CCDC73: variants seen among roughly 807,000 people sequenced by gnomAD.
CCDC73 encodes coiled-coil domain containing 73, also known as coiled-coil domain-containing protein 73.
In CCDC73, 95 loss-of-function variants were observed where a neutral mutation model predicts 116.5. That is an observed-to-expected ratio of 0.82 (90% CI 0.69 to 0.97). The LOEUF (loss-of-function observed/expected upper bound fraction) is 0.97. CCDC73 is among the 50% of genes least tolerant of loss of function. CCDC73 has a pLI of 0.00. For missense variants in CCDC73, 1,066 were observed against 1,206.8 expected, an observed-to-expected ratio of 0.88 and a Z score of 1.73; for synonymous variants, 398 against 401.3, an observed-to-expected ratio of 0.99 and a Z score of 0.10.
chr11:32,728,036 G>A (rs751380903), intron 2 of CCDC73, among the ~76,000 whole-genome samples: 16 of 152,146 alleles, frequency 1.1e-4, no homozygotes, highest in Non-Finnish European at 8.8e-5. Context: ...TGGATCGCTT[G>A]AGGCTATGAG....
the CCDC73 span, among the ~76,000 whole-genome samples, chr11:32,816,665 ACTT>A: frequency 6.6e-6 from 1 of 152,158 alleles, no homozygotes; most frequent in African/African-American, 2.4e-5. Flanking sequence ...CGTTTAAGGG[ACTT>A]CTTCAAGTTG....
the CCDC73 span, among the ~76,000 whole-genome samples, chr11:32,801,470 G>A: frequency 2.3e-3 from 344 of 152,056 alleles, 4 homozygotes; most frequent in East Asian, 0.027. Context: ...GTGAAACCCC[G>A]TCTCTACTAA....
intron 2 of CCDC73, among the ~76,000 whole-genome samples, chr11:32,732,702 A>G (rs1347185323): frequency 2.0e-5 from 3 of 152,206 alleles, no homozygotes; most frequent in African/African-American, 7.2e-5. Context: ...AAAATCCTTT[A>G]CAGACAAGCA....
rs1310211237 is a variant in CCDC73, at chr11:32,639,862, T to G, written c.1050+2110A>C. Among the ~76,000 whole-genome samples, 3 of 152,380 alleles carry G rather than the reference T, an allele frequency of 2.0e-5. No homozygotes were observed. The East Asian group carries it at 5.8e-4, about 29-fold the overall frequency. On this transcript the variant is annotated intron_variant, in intron 13 of 17. Transcript: ENST00000335185. ...TATATCTAGTCAAAATAAAAAGATA[T>G]ACATAACATTGTTATTTTTAATATT...
At chr11:32,728,686 T>C (rs1401433385) in intron 2 of CCDC73, among the ~76,000 whole-genome samples, 1 of 151,056 alleles carries the variant, frequency 6.6e-6, no homozygotes, top group Non-Finnish European at 1.5e-5. Context: ...TACTGATATT[T>C]CCAATTCTGT....
intron 2 of CCDC73, among the ~76,000 whole-genome samples, chr11:32,741,855 G>A (rs1253206856): frequency 6.6e-6 from 1 of 151,754 alleles, no homozygotes; most frequent in Non-Finnish European, 1.5e-5. Flanking sequence ...TCCTCTCCCT[G>A]TGTCCATGTG....
intron 16 of CCDC73, among the ~76,000 whole-genome samples, chr11:32,612,661 T>C (rs1855432409): frequency 6.6e-6 from 1 of 151,914 alleles, no homozygotes; most frequent in African/African-American, 2.4e-5. Flanking sequence ...TCCTTCAGCC[T>C]GGGAGGTTAA....
At chr11:32,636,092 A>G (rs563436450) in intron 13 of CCDC73, among the ~76,000 whole-genome samples, 1 of 152,260 alleles carries the variant, frequency 6.6e-6, no homozygotes, top group Non-Finnish European at 1.5e-5. Context: ...AAGTTAAGTA[A>G]CTTGTCCCAG....
At chr11:32,765,508 T>A (rs1355122318) in intron 1 of CCDC73, among the ~76,000 whole-genome samples, 1 of 152,238 alleles carries the variant, frequency 6.6e-6, no homozygotes, top group Non-Finnish European at 1.5e-5. Flanking sequence ...TGCTCCTGAA[T>A]GACTACTGGG....
At chr11:32,772,377 GA>G (rs1339795122) in intron 1 of CCDC73, among the ~76,000 whole-genome samples, 3 of 151,832 alleles carry the variant, frequency 2.0e-5, no homozygotes, top group Non-Finnish European at 4.4e-5. Context: ...TAGATTAAAG[GA>G]CAACAAAAAA....
chr11:32,755,643 GTA>G (rs1223967460), intron 2 of CCDC73, among the ~76,000 whole-genome samples: 1 of 90,654 alleles, frequency 1.1e-5, no homozygotes, highest in African/African-American at 4.4e-5. Context: ...ATATATATGT[GTA>G]TATATATATC....
chr11:32,646,415 A>AT (rs1554962742), intron 12 of CCDC73, among the ~76,000 whole-genome samples: 1 of 152,106 alleles, frequency 6.6e-6, no homozygotes, highest in Non-Finnish European at 1.5e-5. Flanking sequence ...AGGGTGGTAA[A>AT]TTTTTTGAGA....
In CCDC73 at chr11:32,654,877, T is replaced by C. The variant is rs761851732; in HGVS notation, c.741A>G (p.Gln247=). 9 of 1,589,828 alleles carry C rather than the reference T, an allele frequency of 5.7e-6. No homozygotes were observed. The highest frequency in any genetic ancestry group is 7.7e-6 in the Non-Finnish European group (9 of 1,168,844). ...GTCTTTCTTGAAGTTCTTGAAATTT[T>C]TGTTCTTTAATTGTTAGATTGATGT... ...EENINLTIKE[Q]KFQELQERLN... is the part of the protein sequence containing the mutation. Residue 247 remains glutamine, a synonymous_variant, in exon 10 of 18, where the codon CAA becomes CAG. Transcript: ENST00000335185.
chr11:32,696,572 C>T (rs567131289), intron 6 of CCDC73, among the ~76,000 whole-genome samples: 13 of 152,042 alleles, frequency 8.6e-5, no homozygotes, highest in Non-Finnish European at 1.2e-4. Context: ...GAGCTACAGG[C>T]GTGCACCACC....
intron 14 of CCDC73, 85 bp from the exon 15 acceptor site, chr11:32,616,214 T>C: frequency 7.5e-7 from 1 of 1,341,674 alleles, no homozygotes; most frequent in Admixed American, 3.1e-5. Flanking sequence ...GTGGAATCTG[T>C]GTTTCAGTTC....
At chr11:32,641,257 CATTT>C (rs1254913537) in intron 13 of CCDC73, among the ~76,000 whole-genome samples, 14 of 152,012 alleles carry the variant, frequency 9.2e-5, no homozygotes, top group Admixed American at 5.9e-4. Context: ...TCTACTCTGT[CATTT>C]ATTTAAAAAG....
chr11:32,776,948 T>A (rs79566135), intron 1 of CCDC73, among the ~76,000 whole-genome samples: 1 of 136,976 alleles, frequency 7.3e-6, no homozygotes, highest in Non-Finnish European at 1.5e-5. Flanking sequence ...TATATATATA[T>A]ATATATATAT....
upstream of CCDC73, among the ~76,000 whole-genome samples, chr11:32,795,475 AAAAAG>A (rs1314943458): frequency 1.7e-5 from 2 of 115,106 alleles, no homozygotes; most frequent in African/African-American, 3.1e-5. Flanking sequence ...TGTCAAAAAA[AAAAAG>A]AAAAGAAAAG....
intron 3 of CCDC73, among the ~76,000 whole-genome samples, chr11:32,715,496 ACG>A (rs963757233): frequency 3.4e-5 from 4 of 117,436 alleles, no homozygotes; most frequent in African/African-American, 1.1e-4. Flanking sequence ...ACTGATACAC[ACG>A]CACACACACA....
Sources: gnomAD v4.1 joint callset for allele counts (sites outside exome capture counted in the v4.1 genomes callset) on GRCh38, gnomAD v4.1.1 for gene constraint, MANE v1.5 for transcripts, NCBI Gene and HGNC (gene_info 2026-07-23, HGNC 2026-07-21) for gene names.